TUT4: variants seen among roughly 807,000 people sequenced by gnomAD.
The protein encoded by TUT4 is terminal uridylyl transferase 4.
TUT4 carries 36 observed loss-of-function variants against 192.2 expected under a neutral mutation model. The observed-to-expected ratio is 0.19, with a 90% CI of 0.14 to 0.25. The LOEUF (loss-of-function observed/expected upper bound fraction) is 0.25, where lower values mean the gene tolerates loss of function less well. TUT4 is among the 10% of genes least tolerant of loss of function. The pLI is 1.00. For synonymous variants in TUT4, 618 were observed against 666.0 expected (o/e 0.93, Z 1.11); for missense variants, 1,493 against 1,957.2 (o/e 0.76, Z 4.47).
At chr1:52,462,718 G>A in intron 16 of TUT4, 1 of 983,842 alleles carries the variant, frequency 1.0e-6, no homozygotes, top group Non-Finnish European at 1.2e-6. Context: ...GGAAAAGAAA[G>A]ATACTCCTAT....
At chr1:52,426,250 A>G (rs1649884181) in intron 28 of TUT4, among the ~76,000 whole-genome samples, 1 of 127,436 alleles carries the variant, frequency 7.8e-6, no homozygotes, top group Non-Finnish European at 1.5e-5. Flanking sequence ...TGAACCTCAG[A>G]TTATGAGGTT....
chr1:52,450,684 T>C (rs903536301), intron 20 of TUT4, among the ~76,000 whole-genome samples: 5 of 152,198 alleles, frequency 3.3e-5, no homozygotes, highest in African/African-American at 1.2e-4. Flanking sequence ...ACATTTTTAA[T>C]GATGATGAAA....
intron 1 of TUT4, among the ~76,000 whole-genome samples, chr1:52,527,300 C>T (rs538007076): frequency 1.3e-5 from 2 of 152,206 alleles, no homozygotes; most frequent in Non-Finnish European, 2.9e-5. Flanking sequence ...GTAATCCCAA[C>T]ACTTTGGGAG....
At chr1:52,492,437 A>T (rs554401347) in intron 7 of TUT4, among the ~76,000 whole-genome samples, 2 of 152,242 alleles carry the variant, frequency 1.3e-5, no homozygotes, top group African/African-American at 4.8e-5. Flanking sequence ...CAAAAACGTA[A>T]TAAGAAGTTA....
Position 52,446,577 on chromosome 1 carries a change from A to C in TUT4, c.3513+13T>G, listed in dbSNP as rs780824256. ...GTGAGCATTCTAGAACATAAAGACT[A>C]TTTTAAAATTACCAGTTCTTCTGTT... On this transcript the variant is annotated intron_variant, in intron 21 of 29. Transcript: ENST00000257177. 14 of 1,594,474 alleles carry C rather than the reference A, an allele frequency of 8.8e-6. No individual in the cohort carries two copies. The South Asian group carries it at 1.6e-4, about 18-fold the overall frequency.
intron 27 of TUT4, chr1:52,434,452 A>G: frequency 6.6e-6 from 1 of 152,240 alleles, no homozygotes; most frequent in Non-Finnish European, 1.5e-5. Flanking sequence ...TGTCAGATTT[A>G]GAGTGTTATT....
intron 20 of TUT4, among the ~76,000 whole-genome samples, chr1:52,451,674 C>A (rs1460234687): frequency 6.6e-6 from 1 of 152,042 alleles, no homozygotes; most frequent in Admixed American, 6.5e-5. Flanking sequence ...GAAACGCTGT[C>A]TCTACTAAAA....
intron 1 of TUT4, among the ~76,000 whole-genome samples, chr1:52,532,381 A>C (rs1683713556): frequency 6.6e-6 from 1 of 151,464 alleles, no homozygotes; most frequent in African/African-American, 2.4e-5. Flanking sequence ...GCTGGAGTGC[A>C]GTGGCGTGCA....
chr1:52,437,242 A>G (rs1654061041), intron 25 of TUT4: 3 of 322,250 alleles, frequency 9.3e-6, no homozygotes, highest in Non-Finnish European at 1.7e-5. Context: ...GATATTTATT[A>G]TCTCCAGTTT....
At chr1:52,467,926 C>T (rs1175383039) in intron 15 of TUT4, among the ~76,000 whole-genome samples, 1 of 152,154 alleles carries the variant, frequency 6.6e-6, no homozygotes, top group Admixed American at 6.6e-5. Flanking sequence ...TCCATCACTT[C>T]AGTTCTTTTA....
intron 9 of TUT4, among the ~76,000 whole-genome samples, chr1:52,485,489 T>C (rs1669556095): frequency 6.6e-6 from 1 of 152,192 alleles, no homozygotes; most frequent in Admixed American, 6.5e-5. Flanking sequence ...CCCAAAACAA[T>C]GTACAACATC....
rs112539710 is a variant in TUT4, at chr1:52,498,355, T to C, written c.1000-1172A>G. On this transcript the variant is annotated intron_variant, in intron 4 of 29. Coordinates refer to ENST00000257177, the MANE Select transcript of TUT4 (RefSeq NM_001009881.3). ...CCCCCCGGGGTTCACGCCATTCTCCTGCCTCAGCCTTCCGAGTAGCTGGGA... is the reference window on the plus strand; with the variant it reads ...CCCCCCGGGGTTCACGCCATTCTCCCGCCTCAGCCTTCCGAGTAGCTGGGA... Among the ~76,000 whole-genome samples the C allele has an allele frequency of 4.1e-3, 614 of 150,652 alleles. 5 individuals carry two copies. Among genetic ancestry groups the C allele is most frequent in the African/African-American group, 0.014 (579 of 40,850 alleles).
chr1:52,479,997 GAAAAAAAAAAA>G (rs375149209), intron 11 of TUT4, among the ~76,000 whole-genome samples: 1 of 67,204 alleles, frequency 1.5e-5, no homozygotes, highest in South Asian at 4.7e-4. Context: ...TCCGTCTCAG[GAAAAAAAAAAA>G]AAAAAAAAAA....
At chr1:52,424,078 A>C in intron 29 of TUT4, 76 bp from the exon 30 acceptor site, 1 of 1,433,076 alleles carries the variant, frequency 7.0e-7, no homozygotes, top group African/African-American at 1.4e-5. Context: ...ATTAACTTGT[A>C]GTTAGCTTTC....
chr1:52,515,104 C>T (rs928818089), intron 3 of TUT4: 1 of 152,060 alleles, frequency 6.6e-6, no homozygotes, highest in Non-Finnish European at 1.5e-5. Flanking sequence ...TCCTTCAAAA[C>T]CTAGCAGTGT....
At chr1:52,544,463 C>T (rs926934449) in intron 1 of TUT4, among the ~76,000 whole-genome samples, 12 of 152,048 alleles carry the variant, frequency 7.9e-5, no homozygotes, top group African/African-American at 2.9e-4. Context: ...CAGCAAATGG[C>T]GCTGGGAAAA....
At position 52,470,652 on chromosome 1, in the gene TUT4, A is replaced by G. The variant is rs1028776359; in HGVS notation, c.2878+1300T>C. On this transcript the variant is annotated intron_variant, in intron 14 of 29. Coordinates refer to ENST00000257177, the MANE Select transcript of TUT4 (RefSeq NM_001009881.3). The stretch of plus-strand genomic sequence containing the variant: ...TGAGTGAAAAAAGCCAGACAAAAAA[A>G]GAATACATTCTGTATAATTCCACTT... Among the ~76,000 whole-genome samples, 2 of 152,228 alleles carry G rather than the reference A, an allele frequency of 1.3e-5. 1 individual carries two copies. The highest frequency in any genetic ancestry group is 2.9e-5 in the Non-Finnish European group (2 of 68,036).
chr1:52,443,716 T>C (rs544360884), intron 24 of TUT4, among the ~76,000 whole-genome samples: 278 of 151,976 alleles, frequency 1.8e-3, no homozygotes, highest in African/African-American at 5.5e-3. Flanking sequence ...TGAGCTATGA[T>C]TGCACGACTG....
At chr1:52,489,127 T>C in intron 8 of TUT4, 92 bp from the exon 9 acceptor site, 1 of 1,324,258 alleles carries the variant, frequency 7.6e-7, no homozygotes, top group South Asian at 1.8e-5. Context: ...CTAGTTATCA[T>C]ATTGTAACAT....
Sources: allele counts gnomAD v4.1 joint callset (sites outside exome capture counted in the v4.1 genomes callset), GRCh38; gene constraint gnomAD v4.1.1; transcripts MANE v1.5; gene names NCBI Gene and HGNC (gene_info 2026-07-23, HGNC 2026-07-21).